The following SFXN4 variants were observed in gnomAD, a reference collection of about 807,000 sequenced individuals.
SFXN4 encodes the protein sideroflexin 4.
SFXN4 carries 48 observed loss-of-function variants against 54.6 expected under a neutral mutation model. That is an observed-to-expected ratio of 0.88 (90% CI 0.70 to 1.12). The LOEUF is 1.12. Ranked by LOEUF, SFXN4 falls within the 50% of genes most tolerant of loss-of-function variation. The pLI, the probability that SFXN4 is intolerant of heterozygous loss-of-function variation, is 0.00. For missense variants in SFXN4, 383 were observed against 409.2 expected (o/e 0.94, Z 0.55); for synonymous variants, 130 against 145.5 (o/e 0.89, Z 0.77).
chr10:119,144,469 T>C (rs1361068117), intron 13 of SFXN4, among the ~76,000 whole-genome samples: 1 of 151,570 alleles, frequency 6.6e-6, no homozygotes, highest in African/African-American at 2.4e-5. Context: ...AAAAAAAAAA[T>C]TGCTAATATC....
In SFXN4 at chr10:119,146,428, C is replaced by CGTGTGTGTGTGTGTGTGT. The variant is rs56031432; in HGVS notation, c.819-93_819-76dup. On this transcript the variant is annotated intron_variant, in intron 12 of 13. Coordinates refer to ENST00000355697, the MANE Select transcript of SFXN4 (RefSeq NM_213649.2). ...TATTTTCTGAACAGCTGAATCAGGG[C>CGTGTGTGTGTGTGTGTGT]GTGTGTGTGTGTGTGTGTGTGTGTG... The CGTGTGTGTGTGTGTGTGT allele has an allele frequency of 1.8e-5, 10 of 559,678 alleles. No homozygotes were observed. The East Asian group carries it at 3.2e-4, about 18-fold the overall frequency. 34.7% of individuals were successfully genotyped at this position (559,678 alleles called of 1,614,324 possible).
rs997214859 is a variant in SFXN4 at position 119,142,856 on chromosome 10, C to A, written c.937-1537G>T. Among the ~76,000 whole-genome samples the A allele has an allele frequency of 2.0e-5, 3 of 151,382 alleles. No homozygotes were observed. In the East Asian group the frequency reaches 5.9e-4, roughly 30 times the overall value. On this transcript the variant is annotated intron_variant, in intron 13 of 13. Transcript: ENST00000355697. ...ACACCATTCTCCTGCCTCAGCCTCTCGAGTAGCTGGGATTACAGGCGCCTG... is the reference window on the plus strand; with the variant it reads ...ACACCATTCTCCTGCCTCAGCCTCTAGAGTAGCTGGGATTACAGGCGCCTG...
chr10:119,161,944 C>T (rs1202925026), intron 3 of SFXN4, among the ~76,000 whole-genome samples: 1 of 152,200 alleles, frequency 6.6e-6, no homozygotes, highest in African/African-American at 2.4e-5. Context: ...AGGAACAGTC[C>T]GTTTGAGCCT....
intron 2 of SFXN4, 66 bp downstream of exon 2, chr10:119,164,065 G>C: frequency 1.5e-6 from 1 of 666,068 alleles, no homozygotes; most frequent in South Asian, 2.0e-5. Flanking sequence ...AAAAAAAAAA[G>C]GGACACACAG....
intron 11 of SFXN4, among the ~76,000 whole-genome samples, chr10:119,148,292 AG>A (rs1235241387): frequency 6.6e-6 from 1 of 152,104 alleles, no homozygotes; most frequent in Non-Finnish European, 1.5e-5. Context: ...AGAGAGGCGG[AG>A]GGGACGCCTT....
intron 12 of SFXN4, 128 bp downstream of exon 12, chr10:119,147,647 G>A (rs1419436079): frequency 2.8e-6 from 2 of 715,714 alleles, no homozygotes; most frequent in Non-Finnish European, 4.9e-6. Context: ...TGTCTTAGCT[G>A]TGATGTGTGT....
At chr10:119,154,684 A>C (rs985735017) in intron 11 of SFXN4, among the ~76,000 whole-genome samples, 12 of 151,496 alleles carry the variant, frequency 7.9e-5, no homozygotes, top group Admixed American at 3.9e-4. Context: ...ATACAAAAAT[A>C]AGCCAGGTGC....
Position 119,142,594 on chromosome 10 carries a change from A to C in SFXN4, c.937-1275T>G, listed in dbSNP as rs540248291. On this transcript the variant is annotated intron_variant, in intron 13 of 13. Transcript: ENST00000355697. ...GAGATGGAGTCTCACTCTGTCACCC[A>C]GGCTGGAGTGCAGTGGCGCGACCTC... Among the ~76,000 whole-genome samples, 3 of 133,068 alleles carry C rather than the reference A, an allele frequency of 2.3e-5. No homozygotes were observed. In the South Asian group the frequency reaches 7.3e-4, roughly 32 times the overall value. 87.3% of individuals were successfully genotyped at this position (133,068 alleles called of 152,430 possible). A position where few individuals can be genotyped will look rare whatever the true frequency, so the allele number is the denominator to read the frequency against.
chr10:119,155,068 C>T lies in SFXN4; in HGVS notation c.726G>A (p.Gly242=). 3 of 1,612,288 alleles carry T rather than the reference C, an allele frequency of 1.9e-6. No individual in the cohort carries two copies. The highest frequency in any genetic ancestry group is 2.5e-6 in the Non-Finnish European group (3 of 1,178,318). Residue 242 remains glycine (G), a synonymous_variant, in exon 11 of 14, where the codon GGG becomes GGA. Coordinates refer to ENST00000355697, the MANE Select transcript of SFXN4 (RefSeq NM_213649.2). ...GNVLGHSRIA[G]TKAVRETLAS... ...GCTTCATCCTGTCTCTTACCTTTGT[C>T]CCAGCAATTCTGGAATGACCCAGGA...
At chr10:119,155,243 C>G in intron 10 of SFXN4, 66 bp from the exon 11 acceptor site, 1 of 1,120,138 alleles carries the variant, frequency 8.9e-7, no homozygotes, top group Non-Finnish European at 1.4e-6. Context: ...AAAGGAACAT[C>G]TCTTTGGGTG....
intron 10 of SFXN4, 60 bp from the exon 11 acceptor site, chr10:119,155,237 G>T: frequency 8.3e-7 from 1 of 1,206,774 alleles, no homozygotes; most frequent in Non-Finnish European, 1.2e-6. Context: ...TCCAGCAAAG[G>T]AACATCTCTT....
At chr10:119,162,104 T>C in intron 3 of SFXN4, 2 of 531,270 alleles carry the variant, frequency 3.8e-6, no homozygotes, top group Non-Finnish European at 6.6e-6. Context: ...GTCTGGTTTA[T>C]GGGACAGAAT....
At chr10:119,162,457 G>GTGAA (rs745647754) in intron 2 of SFXN4, 43 bp from the exon 3 acceptor site, 1 of 1,526,886 alleles carries the variant, frequency 6.5e-7, no homozygotes, top group Non-Finnish European at 9.1e-7. Flanking sequence ...TCTCAACATT[G>GTGAA]TTCAGGTTTA....
chr10:119,145,653 G>A (rs541078966), intron 13 of SFXN4, among the ~76,000 whole-genome samples: 1 of 151,962 alleles, frequency 6.6e-6, no homozygotes, highest in Non-Finnish European at 1.5e-5. Flanking sequence ...TAGGAATACA[G>A]TATACAACAC....
At position 119,147,785 on chromosome 10, in the gene SFXN4, A is replaced by G. The variant is rs1300881746; in HGVS notation, c.808T>C (p.Phe270Leu). 6.2e-7 allele frequency: 1 copy of G among 1,613,992 alleles called. No homozygotes were observed. Among genetic ancestry groups the G allele is most frequent in the Non-Finnish European group, 8.5e-7 (1 of 1,179,836 alleles). The change falls in exon 12 of 14, where the codon TTT (phenylalanine) becomes CTT (leucine). Residue 270 changes from phenylalanine (F) to leucine (L), a missense_variant. By Grantham distance (22) the Phe-to-Leu change is conservative. Transcript: ENST00000355697. ...GACCGTGTCTCTTACCTTTTAAAAA[A>G]GTAGGTGAAGACTTCAGGAATCAGA... is the stretch of plus-strand genomic sequence containing the variant. ...SALIPEVFTY[F>L]FKRTQYFRKN...
intron 13 of SFXN4, among the ~76,000 whole-genome samples, chr10:119,143,914 C>A (rs927950041): frequency 6.6e-6 from 1 of 152,188 alleles, no homozygotes; most frequent in Non-Finnish European, 1.5e-5. Flanking sequence ...CCGTGCCTGG[C>A]CTGAAATTTT....
intron 10 of SFXN4, 52 bp from the exon 11 acceptor site, chr10:119,155,229 C>CTTTGCTGGAACAAG: frequency 3.9e-6 from 5 of 1,275,348 alleles, no homozygotes; most frequent in Non-Finnish European, 5.7e-6. Context: ...AGTCTTGTTC[C>CTTTGCTGGAACAAG]AGCAAAGGAA....
chr10:119,153,459 T>C lies in SFXN4; in HGVS notation c.732+1603A>G, dbSNP rs182031793. Among the ~76,000 whole-genome samples the C allele has an allele frequency of 5.4e-3, 801 of 148,924 alleles. 9 individuals carry two copies. The highest frequency in any genetic ancestry group is 0.019 in the African/African-American group (759 of 40,676). ...AAGAAGAAGAAAAAGAAGAAACTAA[T>C]AGTAAAAATTATTCAGAATTGAGGC... On this transcript the variant is annotated intron_variant, in intron 11 of 13. Coordinates refer to ENST00000355697, the MANE Select transcript of SFXN4 (RefSeq NM_213649.2).
chr10:119,141,323 A>G lies in SFXN4; in HGVS notation c.937-4T>C. 2.0e-6 allele frequency: 3 copies of G among 1,521,728 alleles called. No homozygotes were observed. Among genetic ancestry groups the G allele is most frequent in the Non-Finnish European group, 2.7e-6 (3 of 1,109,672 alleles). 94.3% of individuals were successfully genotyped at this position (1,521,728 alleles called of 1,614,324 possible). A position where few individuals can be genotyped will look rare whatever the true frequency, so the allele number is the denominator to read the frequency against. ...CTTCAAGACTACAGTACTGTATCTG[A>G]AAAATAGTTAAATTCATAATGTTTC... On this transcript the variant is annotated splice_polypyrimidine_tract_variant and splice_region_variant and intron_variant, in intron 13 of 13. Transcript: ENST00000355697.
Sources: allele counts gnomAD v4.1 joint callset (sites outside exome capture counted in the v4.1 genomes callset), GRCh38; gene constraint gnomAD v4.1.1; transcripts MANE v1.5; gene names NCBI Gene and HGNC (gene_info 2026-07-23, HGNC 2026-07-21).